ECEL1: variants seen among roughly 807,000 people sequenced by gnomAD.
The protein encoded by ECEL1 is endothelin-converting enzyme-like 1.
A neutral mutation model predicts 101.8 loss-of-function variants in ECEL1; 87 were observed. The ratio of observed to expected loss-of-function variants is 0.85; its 90% CI spans 0.72 to 1.02. ECEL1 has a LOEUF of 1.02. ECEL1 is among the 50% of genes least tolerant of loss of function. The pLI, the probability that ECEL1 is intolerant of heterozygous loss-of-function variation, is 0.00. For missense variants in ECEL1, 1,032 were observed against 1,079.2 expected, an observed-to-expected ratio of 0.96 and a Z score of 0.61; for synonymous variants, 487 against 468.7, an observed-to-expected ratio of 1.04 and a Z score of -0.50.
chr2:232,485,317 C>T (rs771747430), intron 2 of ECEL1, 50 bp from the exon 3 acceptor site: 2 of 1,595,636 alleles, frequency 1.3e-6, no homozygotes, highest in African/African-American at 1.3e-5. Flanking sequence ...CCTCAGGTTC[C>T]CTAAACAGAG....
intron 2 of ECEL1, 75 bp from the exon 3 acceptor site, chr2:232,485,342 A>G (rs1181186483): frequency 2.0e-6 from 3 of 1,529,108 alleles, no homozygotes; most frequent in Non-Finnish European, 2.7e-6. Context: ...TTCCCACTCC[A>G]ATGCCCAGAG....
At chr2:232,480,682 C>T (rs1280145073) in intron 16 of ECEL1, 36 bp downstream of exon 16, 3 of 1,608,560 alleles carry the variant, frequency 1.9e-6, no homozygotes, top group African/African-American at 2.7e-5. Flanking sequence ...GTGTCCCCAC[C>T]CCAAGGCTCC....
chr2:232,483,517 G>T lies in ECEL1; in HGVS notation c.1408-3C>A. On this transcript the variant is annotated splice_region_variant and splice_polypyrimidine_tract_variant and intron_variant, in intron 7 of 17. Coordinates refer to ENST00000304546, the MANE Select transcript of ECEL1 (RefSeq NM_004826.4). The stretch of plus-strand genomic sequence containing the variant: ...ATGTCTTCCACTAGCTGCTGCACCT[G>T]CAGGGTCAGGGGTCAGGGAGCAAGG... 6.2e-7 allele frequency: 1 copy of T among 1,604,434 alleles called. No individual in the cohort carries two copies. The highest frequency in any genetic ancestry group is 8.5e-7 in the Non-Finnish European group (1 of 1,176,658).
rs1312992257 is a variant in ECEL1 at position 232,487,797 on chromosome 2, C to G, written c.-180G>C. On this transcript the variant is annotated 5_prime_UTR_variant, in exon 1 of 18. Transcript: ENST00000304546. ...GGGCCTGAGCCGCAGCGCAGCCGAG[C>G]GGGCGTCCGGTGTCTCCCAGCGCCC... The G allele has an allele frequency of 6.7e-6, 1 of 149,338 alleles. No individual in the cohort carries two copies. The highest frequency in any genetic ancestry group is 1.5e-5 in the Non-Finnish European group (1 of 66,842). 9.3% of individuals were successfully genotyped at this position (149,338 alleles called of 1,614,324 possible).
rs766904378 is a variant in ECEL1 at position 232,486,456 on chromosome 2, C to T, written c.198G>A (p.Leu66=). ...TGGCGCAGAGGCCGGCGGCGAACAC[C>T]AGCCCCGACAGCAGGCACACCTCGC... ...NRREVCLLSG[L]VFAAGLCAIL... Residue 66 remains leucine, a synonymous_variant, in exon 2 of 18, where the codon CTG becomes CTA. Transcript: ENST00000304546. The T allele has an allele frequency of 6.2e-6, 9 of 1,448,456 alleles. No homozygotes were observed. The African/African-American group carries it at 1.2e-4, about 19-fold the overall frequency. 89.7% of individuals were successfully genotyped at this position (1,448,456 alleles called of 1,614,324 possible). A position where few individuals can be genotyped will look rare whatever the true frequency, so the allele number is the denominator to read the frequency against.
At chr2:232,487,059 C>T (rs1221026162) in intron 1 of ECEL1, among the ~76,000 whole-genome samples, 1 of 152,214 alleles carries the variant, frequency 6.6e-6, no homozygotes, top group Non-Finnish European at 1.5e-5. Context: ...CGTCCCTCTT[C>T]CCCTTCGCCT....
chr2:232,484,407 G>A (rs1289768911), intron 6 of ECEL1, 65 bp downstream of exon 6: 6 of 1,598,252 alleles, frequency 3.8e-6, no homozygotes, highest in East Asian at 2.2e-5. Context: ...CCAGCAGAGA[G>A]GTCCAGGGTG....
At chr2:232,483,853 G>T in intron 7 of ECEL1, 148 bp downstream of exon 7, 1 of 895,650 alleles carries the variant, frequency 1.1e-6, no homozygotes, top group Non-Finnish European at 1.7e-6. Context: ...GAGCAGCCTG[G>T]GGCCTCAGAA....
In ECEL1 at chr2:232,483,527, G is replaced by A. The variant is rs572393556; in HGVS notation, c.1408-13C>T. ...CTAGCTGCTGCACCTGCAGGGTCAG[G>A]GGTCAGGGAGCAAGGGTCAACCCAG... On this transcript the variant is annotated splice_polypyrimidine_tract_variant and intron_variant, in intron 7 of 17. Transcript: ENST00000304546. 14 of 1,595,364 alleles carry A rather than the reference G, an allele frequency of 8.8e-6. No homozygotes were observed. The South Asian group carries it at 1.6e-4, about 18-fold the overall frequency.
chr2:232,481,656 C>A (rs770512434), intron 13 of ECEL1, 26 bp from the exon 14 acceptor site: 1 of 1,610,242 alleles, frequency 6.2e-7, no homozygotes, highest in Non-Finnish European at 8.5e-7. Flanking sequence ...CAGGCTGAGA[C>A]CCACCCTCAC....
chr2:232,483,297 G>A, intron 8 of ECEL1, 118 bp from the exon 9 acceptor site: 1 of 1,552,934 alleles, frequency 6.4e-7, no homozygotes. Context: ...TTCACAGTGG[G>A]GGAGGCAGGC....
At position 232,485,883 on chromosome 2, in the gene ECEL1, C is replaced by A; in HGVS notation, c.771G>T (p.Ser257=). ...GCGCACTCACGCGGATGACGTAGCG[C>A]GAGGAGTTCCTGTCGTCCAGGCTGA... ...LTVSLDDRNS[S]RYVIRIDQDG... Residue 257 remains serine (S), a synonymous_variant, in exon 2 of 18, where the codon TCG becomes TCT. Coordinates refer to ENST00000304546, the MANE Select transcript of ECEL1 (RefSeq NM_004826.4). The A allele has an allele frequency of 6.4e-7, 1 of 1,558,752 alleles. No individual in the cohort carries two copies. Among genetic ancestry groups the A allele is most frequent in the Admixed American group, 1.9e-5 (1 of 52,902 alleles).
At position 232,484,223 on chromosome 2, in the gene ECEL1, C is replaced by T. The variant is rs549824767; in HGVS notation, c.1185G>A (p.Arg395=). 2.4e-5 allele frequency: 38 copies of T among 1,609,068 alleles called. No homozygotes were observed. The East Asian group carries it at 8.5e-4, about 36-fold the overall frequency. ...GCCACACCAGGTAGTTGTGCAGGACCCTGGGGACCAGGTGAAGCCAGTGGG... is the reference window on the plus strand; with the variant it reads ...GCCACACCAGGTAGTTGTGCAGGACTCTGGGGACCAGGTGAAGCCAGTGGG... The part of the protein sequence containing the change: ...VSQLIRSTPH[R]VLHNYLVWRV... The change falls in exon 7 of 18, where the codon CGG becomes CGA. Residue 395 remains arginine, a splice_region_variant and synonymous_variant. Coordinates refer to ENST00000304546, the MANE Select transcript of ECEL1 (RefSeq NM_004826.4).
At position 232,486,321 on chromosome 2, in the gene ECEL1, GA is replaced by G. The variant is rs764471983; in HGVS notation, c.332del (p.Phe111SerfsTer92). On this transcript the variant is annotated frameshift_variant, in exon 2 of 18. Coordinates refer to ENST00000304546, the MANE Select transcript of ECEL1 (RefSeq NM_004826.4). LOFTEE classifies it high-confidence loss of function. Reference sequence around the variant, plus strand: ...TGCTGGCGTCCAGGTTGGCGGCCAGGAAGCGAGCGGCGCGCGCGAAGGCCTT... The same window carrying G: ...TGCTGGCGTCCAGGTTGGCGGCCAGGAGCGAGCGGCGCGCGCGAAGGCCTT... ...ERKAFARAAR[F>X]LAANLDASID... The G allele has an allele frequency of 1.4e-5, 22 of 1,575,910 alleles. No homozygotes were observed. The highest frequency in any genetic ancestry group is 1.6e-5 in the Non-Finnish European group (19 of 1,169,020).
Position 232,486,446 on chromosome 2 carries a change from C to A in ECEL1, c.208G>T (p.Ala70Ser). Reference sequence around the variant, plus strand: ...GCCGCCAGAATGGCGCAGAGGCCGGCGGCGAACACCAGCCCCGACAGCAGG... The same window carrying A: ...GCCGCCAGAATGGCGCAGAGGCCGGAGGCGAACACCAGCCCCGACAGCAGG... ...VCLLSGLVFA[A>S]GLCAILAAML... Residue 70 changes from alanine to serine, a missense_variant, in exon 2 of 18, where the codon GCC becomes TCC. Coordinates refer to ENST00000304546, the MANE Select transcript of ECEL1 (RefSeq NM_004826.4). The A allele has an allele frequency of 6.9e-7, 1 of 1,453,620 alleles. No individual in the cohort carries two copies. Among genetic ancestry groups the A allele is most frequent in the East Asian group, 2.9e-5 (1 of 34,122 alleles). The allele number at this position is 1,453,620 out of a possible 1,614,324, so 90.0% of individuals were successfully genotyped here.
chr2:232,486,128 C>T lies in ECEL1; in HGVS notation c.526G>A (p.Ala176Thr). 1 of 1,566,026 alleles carries T rather than the reference C, an allele frequency of 6.4e-7. No individual in the cohort carries two copies. The highest frequency in any genetic ancestry group is 1.2e-5 in the South Asian group (1 of 85,994). Residue 176 changes from alanine (A) to threonine (T), a missense_variant, in exon 2 of 18, where the codon GCC becomes ACC. Ala to Thr is a moderately conservative substitution (Grantham distance 58). Coordinates refer to ENST00000304546, the MANE Select transcript of ECEL1 (RefSeq NM_004826.4). ...AAGAAGGCGCGCACCTTGCGCTGGG[C>T]CGCGCCGCCAGGCCCACCCCCGGGC... ...ARPGGGPGGA[A>T]QRKVRAFFRS... is the part of the protein sequence containing the mutation.
At position 232,482,937 on chromosome 2, in the gene ECEL1, C is replaced by A; in HGVS notation, c.1599G>T (p.Lys533Asn). 1 of 1,614,144 alleles carries A rather than the reference C, an allele frequency of 6.2e-7. No homozygotes were observed. Among genetic ancestry groups the A allele is most frequent in the Middle Eastern group, 1.6e-4 (1 of 6,062 alleles). The change falls in exon 10 of 18, where the codon AAG becomes AAT. Residue 533 changes from lysine to asparagine, a missense_variant. Coordinates refer to ENST00000304546, the MANE Select transcript of ECEL1 (RefSeq NM_004826.4). ...DKEYEFEVHE[K>N]TYFKNILNSI... ...TGTTCAAGATGTTCTTGAAGTAGGT[C>A]TTCTCATGGACCTCAAACTGCAGGA... is the stretch of plus-strand genomic sequence containing the variant.
intron 6 of ECEL1, 110 bp downstream of exon 6, chr2:232,484,362 T>C (rs1690664563): frequency 1.9e-6 from 3 of 1,568,632 alleles, no homozygotes; most frequent in Non-Finnish European, 2.6e-6. Flanking sequence ...CAGGGGGTCA[T>C]CCCAGCTATG....
At position 232,486,059 on chromosome 2, in the gene ECEL1, G is replaced by C; in HGVS notation, c.595C>G (p.Arg199Gly). Residue 199 changes from arginine to glycine, a missense_variant, in exon 2 of 18, where the codon CGA becomes GGA. By Grantham distance (125) the Arg-to-Gly change is moderately radical. Transcript: ENST00000304546. The part of the protein sequence containing the change: ...DMREIERLGP[R>G]PMLEVIEDCG... ...TCCTCGATGACCTCTAGCATGGGTC[G>C]CGGGCCCAGTCGCTCGATCTCGCGC... The C allele has an allele frequency of 6.2e-7, 1 of 1,606,962 alleles. No homozygotes were observed. Among genetic ancestry groups the C allele is most frequent in the Non-Finnish European group, 8.5e-7 (1 of 1,177,718 alleles).
Sources: allele counts gnomAD v4.1 joint callset (sites outside exome capture counted in the v4.1 genomes callset), GRCh38; gene constraint gnomAD v4.1.1; transcripts MANE v1.5; gene names NCBI Gene and HGNC (gene_info 2026-07-23, HGNC 2026-07-21).